Variants in AOPEP observed in about 807,000 individuals in gnomAD.
AOPEP encodes aminopeptidase O.
AOPEP carries 77 observed loss-of-function variants against 98.1 expected under a neutral mutation model. That is an observed-to-expected ratio of 0.78 (90% CI 0.65 to 0.95). The LOEUF (loss-of-function observed/expected upper bound fraction) is 0.95. AOPEP is among the 40% of genes least tolerant of loss of function. The pLI is 0.00. For synonymous variants in AOPEP, 346 were observed against 365.3 expected (o/e 0.95, Z 0.60); for missense variants, 1,024 against 1,024.7 (o/e 1.00, Z 0.01).
intron 13 of AOPEP, among the ~76,000 whole-genome samples, chr9:95,039,932 TG>T (rs2065145515): frequency 6.6e-6 from 1 of 152,236 alleles, no homozygotes; most frequent in South Asian, 2.1e-4. Flanking sequence ...ATGATTGATG[TG>T]TTTCCTTTTC....
chr9:94,867,584 T>C lies in AOPEP; in HGVS notation c.1365-56402T>C, dbSNP rs115774709. On this transcript the variant is annotated intron_variant, in intron 5 of 16. Transcript: ENST00000375315. ...AACATTCACCTCATACACTGAAGAG[T>C]AGATTTGCTTTTCTTTCTGATTTCT... Among the ~76,000 whole-genome samples, 1,430 of 152,230 alleles carry C rather than the reference T, an allele frequency of 9.4e-3. 28 individuals are homozygous for C. Among genetic ancestry groups the C allele is most frequent in the African/African-American group, 0.032 (1,348 of 41,536 alleles).
chr9:94,839,331 G>A (rs144586697), intron 5 of AOPEP, among the ~76,000 whole-genome samples: 207 of 152,086 alleles, frequency 1.4e-3, no homozygotes, highest in African/African-American at 4.8e-3. Context: ...CATGTGATCC[G>A]CCCACCTCGG....
At chr9:94,821,279 G>A (rs1335958736) in intron 5 of AOPEP, among the ~76,000 whole-genome samples, 1 of 152,148 alleles carries the variant, frequency 6.6e-6, no homozygotes, top group African/African-American at 2.4e-5. Context: ...TCACCCCACA[G>A]TTTCAGTGGT....
intron 5 of AOPEP, among the ~76,000 whole-genome samples, chr9:94,870,953 T>C (rs2046277044): frequency 6.6e-6 from 1 of 152,202 alleles, no homozygotes; most frequent in African/African-American, 2.4e-5. Flanking sequence ...GACTAGGCCA[T>C]TGTCCGCTCC....
At chr9:94,987,066 G>C (rs2132267638) in intron 11 of AOPEP, among the ~76,000 whole-genome samples, 1 of 152,352 alleles carries the variant, frequency 6.6e-6, no homozygotes, top group East Asian at 1.9e-4. Flanking sequence ...TCTGAGTCCA[G>C]TCCTTTCCTA....
Position 94,929,788 on chromosome 9 carries a change from A to C in AOPEP, c.1661+1257A>C, listed in dbSNP as rs10993402. ...CGGCCGGTCACAGGTGGTGCGCAGC[A>C]CTGTGAGCAGACTGCTCGGTGATGT... is the stretch of plus-strand genomic sequence containing the variant. On this transcript the variant is annotated intron_variant, in intron 7 of 16. Transcript: ENST00000375315. Among the ~76,000 whole-genome samples, 1,043 of 152,376 alleles carry C rather than the reference A, an allele frequency of 6.8e-3. 8 individuals carry two copies. The highest frequency in any genetic ancestry group is 0.013 in the Non-Finnish European group (865 of 68,032).
chr9:95,046,794 C>G (rs1285349521), intron 13 of AOPEP, among the ~76,000 whole-genome samples: 1 of 152,054 alleles, frequency 6.6e-6, no homozygotes, highest in Non-Finnish European at 1.5e-5. Flanking sequence ...TCCCAGACAC[C>G]TGATTTTCTT....
At chr9:95,134,121 C>T in the AOPEP span, among the ~76,000 whole-genome samples, 1 of 152,190 alleles carries the variant, frequency 6.6e-6, no homozygotes, top group Non-Finnish European at 1.5e-5. Context: ...GCGTGGCTGT[C>T]AGCACCTGCA....
At chr9:94,786,988 C>T (rs898214370) in intron 3 of AOPEP, among the ~76,000 whole-genome samples, 1 of 152,026 alleles carries the variant, frequency 6.6e-6, no homozygotes, top group African/African-American at 2.4e-5. Flanking sequence ...CTTTAGGAAT[C>T]TAAGAAAATA....
In AOPEP at chr9:94,849,059, G is replaced by A. The variant is rs372435597; in HGVS notation, c.1364+48057G>A. Among the ~76,000 whole-genome samples the A allele has an allele frequency of 3.9e-5, 6 of 152,298 alleles. No individual in the cohort carries two copies. In the South Asian group the frequency reaches 6.2e-4, roughly 16 times the overall value. ...CTCCCAAAATGCTGGGATTAGAGGC[G>A]TGAGCCACCACACCCGGCCAAGTCT... is the stretch of plus-strand genomic sequence containing the variant. On this transcript the variant is annotated intron_variant, in intron 5 of 16. Coordinates refer to ENST00000375315, the MANE Select transcript of AOPEP (RefSeq NM_001193329.3).
chr9:95,056,231 G>C (rs2066806011), intron 13 of AOPEP: 1 of 152,242 alleles, frequency 6.6e-6, no homozygotes, highest in Admixed American at 6.5e-5. Context: ...GGCTGCATTA[G>C]TCCCAGGCTT....
intron 9 of AOPEP, among the ~76,000 whole-genome samples, chr9:94,963,925 G>A (rs943875338): frequency 1.3e-5 from 2 of 152,130 alleles, no homozygotes; most frequent in African/African-American, 4.8e-5. Flanking sequence ...CACTTTAGAG[G>A]TATATGCCAA....
At chr9:94,849,506 C>CTTT (rs71496986) in intron 5 of AOPEP, among the ~76,000 whole-genome samples, 2 of 27,942 alleles carry the variant, frequency 7.2e-5, no homozygotes, top group Non-Finnish European at 4.7e-4. Flanking sequence ...TTCTTTCTTT[C>CTTT]TTTTTTTTTT....
chr9:95,015,563 TATAGG>T (rs1411897773), intron 13 of AOPEP, among the ~76,000 whole-genome samples: 1 of 152,226 alleles, frequency 6.6e-6, no homozygotes, highest in African/African-American at 2.4e-5. Flanking sequence ...TAGAAAACTA[TATAGG>T]ATAGGAGAAT....
At chr9:95,056,989 G>T (rs949856872) in intron 13 of AOPEP, among the ~76,000 whole-genome samples, 1 of 152,006 alleles carries the variant, frequency 6.6e-6, no homozygotes, top group African/African-American at 2.4e-5. Flanking sequence ...ATAATGAGCT[G>T]GTCTCTGTAT....
At chr9:94,911,112 C>T (rs1005740319) in intron 5 of AOPEP, among the ~76,000 whole-genome samples, 2 of 152,180 alleles carry the variant, frequency 1.3e-5, no homozygotes, top group African/African-American at 4.8e-5. Context: ...TGGAAGACCC[C>T]AGTACCTCAG....
intron 5 of AOPEP, among the ~76,000 whole-genome samples, chr9:94,853,579 G>T (rs1342697966): frequency 6.6e-6 from 1 of 152,104 alleles, no homozygotes; most frequent in African/African-American, 2.4e-5. Flanking sequence ...TAAACACAAA[G>T]ATAAACCTAT....
chr9:94,734,264 CA>C, intron 1 of AOPEP, among the ~76,000 whole-genome samples: 1 of 152,266 alleles, frequency 6.6e-6, no homozygotes, highest in East Asian at 1.9e-4. Context: ...AAGACAGGAA[CA>C]GAGGGACCTC....
At chr9:95,033,010 G>T (rs1439739397) in intron 13 of AOPEP, among the ~76,000 whole-genome samples, 1 of 152,176 alleles carries the variant, frequency 6.6e-6, no homozygotes, top group African/African-American at 2.4e-5. Flanking sequence ...GTATTGTTCA[G>T]GGAGATTGCA....
Sources: allele counts gnomAD v4.1 joint callset (sites outside exome capture counted in the v4.1 genomes callset), GRCh38; gene constraint gnomAD v4.1.1; transcripts MANE v1.5; gene names NCBI Gene and HGNC (gene_info 2026-07-23, HGNC 2026-07-21).